The following ANKRD28 variants were observed in gnomAD, a reference collection of about 807,000 sequenced individuals.
ANKRD28 encodes the protein serine/threonine-protein phosphatase 6 regulatory ankyrin repeat subunit A.
In ANKRD28, 44 loss-of-function variants were observed where a neutral mutation model predicts 126.5. The observed-to-expected ratio is 0.35, with a 90% confidence interval of 0.27 to 0.45. ANKRD28 has a LOEUF of 0.45. Ranked by LOEUF, ANKRD28 falls within the 20% of genes least tolerant of loss-of-function variation. ANKRD28 has a pLI of 1.00. For missense variants in ANKRD28, 1,110 were observed against 1,316.6 expected, an observed-to-expected ratio of 0.84 and a Z score of 2.43; for synonymous variants, 442 against 468.5, an observed-to-expected ratio of 0.94 and a Z score of 0.73.
chr3:15,834,809 C>A (rs185674956), intron 1 of ANKRD28, among the ~76,000 whole-genome samples: 16 of 152,114 alleles, frequency 1.1e-4, no homozygotes, highest in Admixed American at 2.6e-4. Context: ...GTTGTGGGTA[C>A]CAAATATATT....
At chr3:15,773,977 G>C (rs2059142159) in intron 2 of ANKRD28, among the ~76,000 whole-genome samples, 1 of 152,126 alleles carries the variant, frequency 6.6e-6, no homozygotes. Flanking sequence ...AGGCAGACAT[G>C]ACCAGAGCAG....
intron 1 of ANKRD28, among the ~76,000 whole-genome samples, chr3:15,811,728 C>A (rs1188312840): frequency 3.3e-5 from 5 of 151,750 alleles, no homozygotes; most frequent in Non-Finnish European, 7.4e-5. Context: ...ACTGGGATTA[C>A]AGGTGTGAGC....
At chr3:15,710,903 T>C (rs1047109125) in intron 12 of ANKRD28, among the ~76,000 whole-genome samples, 34 of 152,210 alleles carry the variant, frequency 2.2e-4, no homozygotes, top group African/African-American at 7.7e-4. Flanking sequence ...AGTATTTTGA[T>C]GTTCTCATTT....
rs2074632050 is a variant in ANKRD28, at chr3:15,731,859, AAAAAAAAAAAAAAAAGG to A, written c.640+3534_640+3550del. The A allele has an allele frequency of 2.4e-5, 3 of 125,054 alleles. 1 individual carries two copies. Among genetic ancestry groups the A allele is most frequent in the African/African-American group, 9.4e-5 (3 of 32,014 alleles). The allele number at this position is 125,054 out of a possible 1,614,324, so 7.7% of individuals were successfully genotyped here. ...GGGTGAAACTGTCTCAAAAAAAAAA[AAAAAAAAAAAAAAAAGG>A]GGGGGGGGGTGTGTGGGGAGGGGAC... On this transcript the variant is annotated intron_variant, in intron 6 of 27. Transcript: ENST00000683139.
chr3:15,828,663 G>A (rs978494323), intron 1 of ANKRD28, among the ~76,000 whole-genome samples: 1 of 120,696 alleles, frequency 8.3e-6, no homozygotes, highest in African/African-American at 3.1e-5. Context: ...ATCTGGGGGG[G>A]TGGGGGGGAT....
Position 15,743,545 on chromosome 3 carries a change from A to AACACAC in ANKRD28, c.352-6318_352-6313dup, listed in dbSNP as rs4036221. Among the ~76,000 whole-genome samples the AACACAC allele has an allele frequency of 5.5e-3, 769 of 140,474 alleles. 7 individuals are homozygous for AACACAC. The highest frequency in any genetic ancestry group is 7.7e-3 in the Non-Finnish European group (500 of 64,636). The allele number at this position is 140,474 out of a possible 152,430, so 92.2% of individuals were successfully genotyped here. On this transcript the variant is annotated intron_variant, in intron 4 of 27. Coordinates refer to ENST00000683139, the MANE Select transcript of ANKRD28 (RefSeq NM_001349278.2). ...CTCCAGCAGTGCAGTGTGGCTTTTT[A>AACACAC]ACACACACACACACACACACACACA...
At chr3:15,703,441 G>T (rs2125982453) in intron 14 of ANKRD28, among the ~76,000 whole-genome samples, 1 of 152,326 alleles carries the variant, frequency 6.6e-6, no homozygotes, top group East Asian at 1.9e-4. Context: ...GGTCAAGAGG[G>T]CAGAGCCCTC....
Position 15,839,002 on chromosome 3 carries a change from G to A in ANKRD28, c.27+20375C>T, listed in dbSNP as rs1304933763. Among the ~76,000 whole-genome samples, 2 of 151,950 alleles carry A rather than the reference G, an allele frequency of 1.3e-5. No homozygotes were observed. Among genetic ancestry groups the A allele is most frequent in the Non-Finnish European group, 2.9e-5 (2 of 67,984 alleles). Reference sequence around the variant, plus strand: ...ATTTATACCAAATTTTTAAAAGCCAGACAAAAAATGATCACGTATCATATG... The same window carrying A: ...ATTTATACCAAATTTTTAAAAGCCAAACAAAAAATGATCACGTATCATATG... On this transcript the variant is annotated intron_variant, in intron 1 of 27. Coordinates refer to the ANKRD28 transcript ENST00000399451. The surrounding 1 kb of genome is among the most constrained non-coding windows in gnomAD (Gnocchi z 4.3).
intron 6 of ANKRD28, among the ~76,000 whole-genome samples, chr3:15,730,997 C>A (rs529908947): frequency 6.6e-4 from 101 of 152,326 alleles, no homozygotes; most frequent in South Asian, 1.0e-3. Context: ...AGGGCCCTCA[C>A]TAGATGCTAG....
chr3:15,787,043 A>C (rs1402580357), intron 2 of ANKRD28, among the ~76,000 whole-genome samples: 1 of 152,176 alleles, frequency 6.6e-6, no homozygotes, highest in Non-Finnish European at 1.5e-5. Context: ...ATAATAACCC[A>C]AATGCCCTCT....
chr3:15,674,718 G>C (rs144846375), intron 27 of ANKRD28, among the ~76,000 whole-genome samples: 1 of 152,238 alleles, frequency 6.6e-6, no homozygotes, highest in East Asian at 1.9e-4. Flanking sequence ...GAAGAAGAGG[G>C]AGAAATTTTG....
chr3:15,820,918 A>T (rs1470854050), intron 1 of ANKRD28, among the ~76,000 whole-genome samples: 1 of 152,204 alleles, frequency 6.6e-6, no homozygotes, highest in Non-Finnish European at 1.5e-5. Context: ...TTTAGTCACT[A>T]AACTTTACAG....
chr3:15,851,672 T>C (rs962927557), intron 1 of ANKRD28, among the ~76,000 whole-genome samples: 3 of 152,162 alleles, frequency 2.0e-5, no homozygotes, highest in Admixed American at 6.5e-5. Context: ...GTGGAGAAAC[T>C]GGAATGCTCA....
In ANKRD28 at chr3:15,843,591, A is replaced by G. The variant is rs971377951; in HGVS notation, c.27+15786T>C. ...GAATAGTTTGAGCCAAAAATAAGGG[A>G]AAAAAAAGAGAGAGAGGCAGAAATT... On this transcript the variant is annotated intron_variant, in intron 1 of 27. Coordinates refer to the ANKRD28 transcript ENST00000399451. The surrounding 1 kb of genome is among the most constrained non-coding windows in gnomAD (Gnocchi z 5.2). Among the ~76,000 whole-genome samples the G allele has an allele frequency of 2.6e-5, 4 of 151,986 alleles. No homozygotes were observed. The highest frequency in any genetic ancestry group is 4.8e-5 in the African/African-American group (2 of 41,352).
chr3:15,736,042 C>G (rs1242814172), intron 5 of ANKRD28, among the ~76,000 whole-genome samples: 1 of 152,216 alleles, frequency 6.6e-6, no homozygotes, highest in African/African-American at 2.4e-5. Context: ...GTAACCTTAA[C>G]TGCAGTAGAG....
intron 8 of ANKRD28, 24 bp downstream of exon 8, chr3:15,720,891 A>T (rs775980188): frequency 1.2e-6 from 2 of 1,602,658 alleles, no homozygotes; most frequent in Admixed American, 3.4e-5. Context: ...TGAAATACTT[A>T]TAGATTCTGA....
chr3:15,704,703 AT>A (rs147906633), intron 14 of ANKRD28, among the ~76,000 whole-genome samples: 1,903 of 152,198 alleles, frequency 0.013, 39 homozygotes, highest in African/African-American at 0.044. Flanking sequence ...TTTAAGAAAA[AT>A]ATTTTTTACA....
intron 1 of ANKRD28, among the ~76,000 whole-genome samples, chr3:15,836,248 C>T (rs2061323911): frequency 6.6e-6 from 1 of 151,942 alleles, no homozygotes; most frequent in African/African-American, 2.4e-5. Flanking sequence ...CATAAATTAA[C>T]ATAATATATA....
At chr3:15,708,356 T>C (rs2071750700) in intron 13 of ANKRD28, among the ~76,000 whole-genome samples, 1 of 152,162 alleles carries the variant, frequency 6.6e-6, no homozygotes, top group African/African-American at 2.4e-5. Context: ...ATAACCTTCA[T>C]ATTCTGCTCA....
Sources: gnomAD v4.1 joint callset for allele counts (sites outside exome capture counted in the v4.1 genomes callset) on GRCh38, gnomAD v4.1.1 for gene constraint, Gnocchi (gnomAD v3.1) non-coding constraint, MANE v1.5 for transcripts, NCBI Gene and HGNC (gene_info 2026-07-23, HGNC 2026-07-21) for gene names.